The following CACNA2D3 variants were observed in gnomAD, a reference collection of about 807,000 sequenced individuals.
CACNA2D3 encodes the protein voltage-dependent calcium channel subunit alpha-2/delta-3.
A neutral mutation model predicts 160.6 loss-of-function variants in CACNA2D3; 60 were observed. The observed-to-expected ratio is 0.37, with a 90% confidence interval of 0.30 to 0.46. The LOEUF (loss-of-function observed/expected upper bound fraction) is 0.46. Among genes scored for constraint, CACNA2D3 ranks in the 20% least tolerant of loss-of-function variants. The probability of loss-of-function intolerance (pLI) is 1.00; values close to 1 mark genes in which losing one functional copy is unlikely to be tolerated. For synonymous variants in CACNA2D3, 558 were observed against 492.9 expected, an observed-to-expected ratio of 1.13 and a Z score of -1.75; for missense variants, 1,205 against 1,365.0, an observed-to-expected ratio of 0.88 and a Z score of 1.85.
At chr3:54,141,045 G>T (rs1400192684) in intron 2 of CACNA2D3, among the ~76,000 whole-genome samples, 1 of 140,984 alleles carries the variant, frequency 7.1e-6, no homozygotes, top group Admixed American at 7.2e-5. Context: ...AACACTGTCT[G>T]ATCTGCAGGT....
chr3:54,427,988 G>A (rs1699933555), intron 4 of CACNA2D3, among the ~76,000 whole-genome samples: 1 of 152,186 alleles, frequency 6.6e-6, no homozygotes, highest in Admixed American at 6.5e-5. Flanking sequence ...GGCAGCAGGA[G>A]GCAACCAGCT....
At chr3:54,880,648 A>C in intron 20 of CACNA2D3, 148 bp from the exon 21 acceptor site, 1 of 727,802 alleles carries the variant, frequency 1.4e-6, no homozygotes. Flanking sequence ...AGTGATAATC[A>C]GTGGGGTTTT....
At chr3:54,292,786 A>G (rs897305637) in intron 2 of CACNA2D3, among the ~76,000 whole-genome samples, 4 of 152,216 alleles carry the variant, frequency 2.6e-5, no homozygotes, top group Non-Finnish European at 5.9e-5. Context: ...AAAAAGTTAA[A>G]TATAGAGTTA....
intron 17 of CACNA2D3, among the ~76,000 whole-genome samples, chr3:54,870,518 C>T (rs1056870876): frequency 1.3e-5 from 2 of 152,160 alleles, no homozygotes; most frequent in African/African-American, 2.4e-5. Context: ...TAGCCTGCAG[C>T]AGAGGGCAGA....
At chr3:54,769,769 A>C (rs1702285668) in intron 13 of CACNA2D3, among the ~76,000 whole-genome samples, 1 of 152,208 alleles carries the variant, frequency 6.6e-6, no homozygotes, top group Admixed American at 6.5e-5. Context: ...TAGTAGCTAC[A>C]TGATTGTTAC....
chr3:54,532,000 T>G (rs1207143557), intron 5 of CACNA2D3, among the ~76,000 whole-genome samples: 3 of 152,168 alleles, frequency 2.0e-5, no homozygotes, highest in African/African-American at 7.2e-5. Context: ...CCACACTGCC[T>G]CTCTCACCTC....
At chr3:55,018,384 G>A in intron 35 of CACNA2D3, 67 bp downstream of exon 35, 2 of 950,494 alleles carry the variant, frequency 2.1e-6, no homozygotes, top group Non-Finnish European at 3.4e-6. Flanking sequence ...TCCCAGATGG[G>A]TCTGTGTGAC....
chr3:54,599,562 C>T (rs1206252610), intron 9 of CACNA2D3, among the ~76,000 whole-genome samples: 2 of 152,012 alleles, frequency 1.3e-5, no homozygotes, highest in African/African-American at 4.8e-5. Context: ...TCTGTTTTTT[C>T]TTCCCGGTGC....
chr3:55,009,524 T>A, intron 34 of CACNA2D3, 81 bp downstream of exon 34: 1 of 1,305,788 alleles, frequency 7.7e-7, no homozygotes, highest in Non-Finnish European at 1.1e-6. Context: ...AGGGATGTGC[T>A]GGCTCACAGA....
chr3:54,267,634 C>T (rs1702544259), intron 2 of CACNA2D3, among the ~76,000 whole-genome samples: 1 of 152,204 alleles, frequency 6.6e-6, no homozygotes, highest in African/African-American at 2.4e-5. Context: ...GCTTTTCATA[C>T]TGCAGGCTGA....
chr3:55,045,350 TATA>T (rs1325980645), intron 35 of CACNA2D3, among the ~76,000 whole-genome samples: 1 of 152,168 alleles, frequency 6.6e-6, no homozygotes, highest in African/African-American at 2.4e-5. Context: ...GCGTCAAGCC[TATA>T]GTGGTCTTTT....
intron 2 of CACNA2D3, among the ~76,000 whole-genome samples, chr3:54,278,499 G>C (rs533887049): frequency 6.6e-6 from 1 of 152,200 alleles, no homozygotes; most frequent in East Asian, 1.9e-4. Flanking sequence ...TATACCCAAA[G>C]GATTATAAAT....
At chr3:54,159,801 T>G (rs1033601188) in intron 2 of CACNA2D3, among the ~76,000 whole-genome samples, 3 of 152,130 alleles carry the variant, frequency 2.0e-5, no homozygotes, top group African/African-American at 7.2e-5. Flanking sequence ...GGATTCAAGC[T>G]TTTGCAATTT....
intron 11 of CACNA2D3, among the ~76,000 whole-genome samples, chr3:54,663,631 G>T (rs1700010418): frequency 1.3e-5 from 2 of 152,230 alleles, no homozygotes; most frequent in African/African-American, 4.8e-5. Flanking sequence ...TATGATTTAT[G>T]CCCCCTGTGA....
chr3:54,517,577 C>G (rs1280927857), intron 5 of CACNA2D3, among the ~76,000 whole-genome samples: 1 of 152,206 alleles, frequency 6.6e-6, no homozygotes, highest in African/African-American at 2.4e-5. Context: ...CTGAGTATCA[C>G]CCAGGTGTAG....
chr3:54,465,917 G>C (rs766080951), intron 4 of CACNA2D3, among the ~76,000 whole-genome samples: 1 of 152,144 alleles, frequency 6.6e-6, no homozygotes, highest in Non-Finnish European at 1.5e-5. Context: ...TGACTTCCTA[G>C]TTCATTGAGG....
intron 5 of CACNA2D3, among the ~76,000 whole-genome samples, chr3:54,531,776 G>T (rs1478268195): frequency 6.6e-6 from 1 of 152,218 alleles, no homozygotes; most frequent in African/African-American, 2.4e-5. Context: ...TGAGGCAGAG[G>T]AGACAATTTT....
intron 9 of CACNA2D3, among the ~76,000 whole-genome samples, chr3:54,620,037 C>T (rs1698948000): frequency 6.6e-6 from 1 of 152,112 alleles, no homozygotes; most frequent in Non-Finnish European, 1.5e-5. Context: ...GGTGTGGGCA[C>T]CCTTTGAGCC....
intron 4 of CACNA2D3, among the ~76,000 whole-genome samples, chr3:54,463,324 C>T (rs1416397193): frequency 1.3e-5 from 2 of 152,104 alleles, no homozygotes; most frequent in Admixed American, 1.3e-4. Flanking sequence ...TGTTGGCTTG[C>T]CTTGCTAGAT....
Sources: gnomAD v4.1 joint callset for allele counts (sites outside exome capture counted in the v4.1 genomes callset) on GRCh38, gnomAD v4.1.1 for gene constraint, MANE v1.5 for transcripts, NCBI Gene and HGNC (gene_info 2026-07-23, HGNC 2026-07-21) for gene names.